Variants in ARFGEF3 observed in about 807,000 individuals in gnomAD.
ARFGEF3 encodes the protein brefeldin A-inhibited guanine nucleotide-exchange protein 3.
ARFGEF3 carries 96 observed loss-of-function variants against 221.7 expected under a neutral mutation model. The observed-to-expected ratio is 0.43, with a 90% CI of 0.37 to 0.51. The LOEUF (loss-of-function observed/expected upper bound fraction) is 0.51, where lower values mean the gene tolerates loss of function less well. ARFGEF3 is among the 20% of genes least tolerant of loss of function. ARFGEF3 has a pLI of 0.00. For missense variants in ARFGEF3, 2,410 were observed against 2,789.9 expected, an observed-to-expected ratio of 0.86 and a Z score of 3.07; for synonymous variants, 1,145 against 1,126.8, an observed-to-expected ratio of 1.02 and a Z score of -0.32.
rs907338138 is a variant in ARFGEF3 at position 138,289,868 on chromosome 6, G to T, written c.2947G>T (p.Val983Leu). 1 of 1,613,802 alleles carries T rather than the reference G, an allele frequency of 6.2e-7. No individual in the cohort carries two copies. The highest frequency in any genetic ancestry group is 8.5e-7 in the Non-Finnish European group (1 of 1,179,810). ...KLEQIGKVQG[V>L]WLHTAHVLCM... ...GGAGCAGATTGGGAAGGTGCAGGGG[G>T]TGTGGCTGCACACTGCCCACGTCTT... The change falls in exon 18 of 34, where the codon GTG becomes TTG. Residue 983 changes from valine (V) to leucine (L), a missense_variant. By Grantham distance (32) the Val-to-Leu change is conservative (BLOSUM62 1). Coordinates refer to ENST00000251691, the MANE Select transcript of ARFGEF3 (RefSeq NM_020340.5).
chr6:138,207,057 G>C lies in ARFGEF3; in HGVS notation c.153G>C (p.Leu51=). 1 of 1,610,120 alleles carries C rather than the reference G, an allele frequency of 6.2e-7. No homozygotes were observed. The highest frequency in any genetic ancestry group is 8.5e-7 in the Non-Finnish European group (1 of 1,178,346). ...TGTTTGCCAGGGAGAAATGCCTGCT[G>C]CCTCTCCAGTTGGCTTTGGAATCCA... ...PPHVLREKCL[L]PLQLALESKN... The change falls in exon 3 of 34, where the codon CTG becomes CTC. Residue 51 remains leucine, a synonymous_variant. Coordinates refer to ENST00000251691, the MANE Select transcript of ARFGEF3 (RefSeq NM_020340.5).
chr6:138,266,755 A>C lies in ARFGEF3; in HGVS notation c.2128+3144A>C, dbSNP rs948098565. On this transcript the variant is annotated intron_variant, in intron 12 of 33. Transcript: ENST00000251691. ...TCCCAGCTACTTGGGAGGCTGAGGC[A>C]GGAGAATGGTGTGAACCCGGGAGGC... Among the ~76,000 whole-genome samples, 86 of 147,684 alleles carry C rather than the reference A, an allele frequency of 5.8e-4. 1 individual carries two copies. Among genetic ancestry groups the C allele is most frequent in the Non-Finnish European group, 1.2e-4 (8 of 67,530 alleles).
intron 10 of ARFGEF3, among the ~76,000 whole-genome samples, chr6:138,256,025 G>A (rs1384633067): frequency 6.6e-6 from 1 of 152,158 alleles, no homozygotes; most frequent in Non-Finnish European, 1.5e-5. Context: ...GACTCTGTTA[G>A]ATGTGCACCA....
chr6:138,255,340 G>A (rs947748330), intron 9 of ARFGEF3, 96 bp from the exon 10 acceptor site: 33 of 843,874 alleles, frequency 3.9e-5, no homozygotes, highest in African/African-American at 5.1e-5. Flanking sequence ...GTAAAGAGCC[G>A]CACTCTTGTC....
chr6:138,305,533 C>T (rs1355171828), intron 22 of ARFGEF3, among the ~76,000 whole-genome samples: 3 of 151,132 alleles, frequency 2.0e-5, no homozygotes, highest in East Asian at 1.9e-4. Context: ...ATTCCTTGAA[C>T]CCAGTAAGTT....
At chr6:138,203,494 C>T (rs140493119) in intron 2 of ARFGEF3, among the ~76,000 whole-genome samples, 103 of 152,340 alleles carry the variant, frequency 6.8e-4, no homozygotes, top group African/African-American at 2.3e-3. Context: ...CCTGTTCTTG[C>T]TGGCTCTTCC....
At chr6:138,192,115 C>T (rs890570744) in intron 2 of ARFGEF3, among the ~76,000 whole-genome samples, 4 of 152,168 alleles carry the variant, frequency 2.6e-5, no homozygotes, top group African/African-American at 7.2e-5. Flanking sequence ...AATGTTCCCA[C>T]CCAAAGCCTG....
At position 138,263,548 on chromosome 6, in the gene ARFGEF3, T is replaced by C. The variant is rs7764091; in HGVS notation, c.2065T>C (p.Ser689Pro). The C allele has an allele frequency of 6.2e-7, 1 of 1,612,794 alleles. No individual in the cohort carries two copies. Among genetic ancestry groups the C allele is most frequent in the Non-Finnish European group, 8.5e-7 (1 of 1,179,824 alleles). ...SLEGLLPRLL[S>P]LSNVEEVDTA... Reference sequence around the variant, plus strand: ...GGAAGGCCTCCTCCCTCGGCTCCTGTCTCTCTCCAATGTAGAGGAGGTGGA... The same window carrying C: ...GGAAGGCCTCCTCCCTCGGCTCCTGCCTCTCTCCAATGTAGAGGAGGTGGA... Residue 689 changes from serine (S) to proline (P), a missense_variant, in exon 12 of 34, where the codon TCT (serine) becomes CCT (proline). Around this residue, in one of 5 missense-constraint regions of ARFGEF3, gnomAD observed 594 missense variants for 734.3 expected, o/e 0.81. Coordinates refer to ENST00000251691, the MANE Select transcript of ARFGEF3 (RefSeq NM_020340.5).
chr6:138,334,010 C>T lies in ARFGEF3; in HGVS notation c.5164C>T (p.Gln1722Ter), dbSNP rs866532896. 6.2e-7 allele frequency: 1 copy of T among 1,612,704 alleles called. No individual in the cohort carries two copies. Among genetic ancestry groups the T allele is most frequent in the Non-Finnish European group, 8.5e-7 (1 of 1,178,850 alleles). Residue 1722 changes from glutamine (Q) to a stop codon, truncating the protein, a stop_gained, in exon 33 of 34, where the codon CAG (glutamine) becomes TAG (stop). Coordinates refer to ENST00000251691, the MANE Select transcript of ARFGEF3 (RefSeq NM_020340.5). LOFTEE classifies it high-confidence loss of function. The surrounding 1 kb of genome is among the most constrained non-coding windows in gnomAD (Gnocchi z 5.1). ...AATTGTGGTGAGCCTGCTGTCTCAT[C>T]AGGTGTTACTCCAGAACTTATATGA... ...REIVVSLLSHQVLLQNLYDIL... is the reference protein window; with the variant it reads ...REIVVSLLSH
chr6:138,177,961 G>A (rs1326900350), intron 2 of ARFGEF3, among the ~76,000 whole-genome samples: 1 of 152,008 alleles, frequency 6.6e-6, no homozygotes, highest in Non-Finnish European at 1.5e-5. Context: ...GACATTTCAA[G>A]GATATCTTTT....
chr6:138,245,680 T>C (rs1778473936), intron 8 of ARFGEF3, 89 bp downstream of exon 8: 2 of 963,008 alleles, frequency 2.1e-6, no homozygotes, highest in Non-Finnish European at 3.3e-6. Context: ...AATTATGGAT[T>C]GTAAGATTAT....
chr6:138,211,972 A>G (rs1457518483), intron 4 of ARFGEF3, among the ~76,000 whole-genome samples: 1 of 152,230 alleles, frequency 6.6e-6, no homozygotes, highest in Admixed American at 6.5e-5. Context: ...AAAGTCAGAC[A>G]CTGTCAGAAA....
intron 2 of ARFGEF3, among the ~76,000 whole-genome samples, chr6:138,201,706 C>T (rs768239211): frequency 6.6e-6 from 1 of 152,122 alleles, no homozygotes; most frequent in Non-Finnish European, 1.5e-5. Context: ...TAAAAGACAA[C>T]AAATATGGTG....
chr6:138,162,073 C>G lies in ARFGEF3; in HGVS notation c.-14C>G. On this transcript the variant is annotated 5_prime_UTR_variant, in exon 1 of 34. Coordinates refer to ENST00000251691, the MANE Select transcript of ARFGEF3 (RefSeq NM_020340.5). This position sits in a 1 kb window ranked among gnomAD's most constrained non-coding sequence, Gnocchi z 4.7. ...TCTCCCTGTGGGCGGCGGCCCGGCGCCTGGAAGGTCAAGATGGAAGAAATC... is the reference window on the plus strand; with the variant it reads ...TCTCCCTGTGGGCGGCGGCCCGGCGGCTGGAAGGTCAAGATGGAAGAAATC... 6.4e-7 allele frequency: 1 copy of G among 1,572,674 alleles called. No individual in the cohort carries two copies. The highest frequency in any genetic ancestry group is 8.6e-7 in the Non-Finnish European group (1 of 1,159,296).
At chr6:138,306,033 G>A (rs116821835) in intron 22 of ARFGEF3, among the ~76,000 whole-genome samples, 2,071 of 152,094 alleles carry the variant, frequency 0.014, 53 homozygotes, top group African/African-American at 0.048. Context: ...GGTTTGAAAC[G>A]AAAAGTAAAG....
At position 138,308,743 on chromosome 6, in the gene ARFGEF3, A is replaced by T; in HGVS notation, c.3978A>T (p.Lys1326Asn). The change falls in exon 24 of 34, where the codon AAA becomes AAT. Residue 1326 changes from lysine (K) to asparagine (N), a missense_variant. Physicochemically the swap from Lys to Asn is moderately conservative, Grantham distance 94. Around this residue, in one of 5 missense-constraint regions of ARFGEF3, gnomAD observed 723 missense variants for 991.9 expected, o/e 0.73. Transcript: ENST00000251691. ...EYLVGDYSMG[K>N]GQAPVFDVFE... ...TCTATAATCTTCCTCCCTTAGGAAA[A>T]GGCCAAGCTCCAGTGTTTGATGTAT... is the stretch of plus-strand genomic sequence containing the variant. 6.2e-7 allele frequency: 1 copy of T among 1,613,884 alleles called. No individual in the cohort carries two copies.
chr6:138,281,308 T>C (rs1233478670), intron 14 of ARFGEF3, among the ~76,000 whole-genome samples: 1 of 152,112 alleles, frequency 6.6e-6, no homozygotes, highest in Non-Finnish European at 1.5e-5. Flanking sequence ...GATAGTTCTC[T>C]CTCTATATAT....
Position 138,307,283 on chromosome 6 carries a change from G to A in ARFGEF3, c.3859G>A (p.Val1287Met). 6.2e-7 allele frequency: 1 copy of A among 1,613,938 alleles called. No individual in the cohort carries two copies. Among genetic ancestry groups the A allele is most frequent in the Non-Finnish European group, 8.5e-7 (1 of 1,179,830 alleles). The change falls in exon 23 of 34, where the codon GTG becomes ATG. Residue 1287 changes from valine (V) to methionine (M), a missense_variant. Physicochemically the swap from Val to Met is conservative, Grantham distance 21. Transcript: ENST00000251691. ...VVTSIGELVE[V>M]CSTQIQSGWR... The stretch of plus-strand genomic sequence containing the variant: ...CACATCCATTGGTGAGCTGGTTGAA[G>A]TGTGTTCCACGCAGATCCAGTCGGG...
At chr6:138,326,456 G>A (rs1199200692) in intron 31 of ARFGEF3, among the ~76,000 whole-genome samples, 1 of 152,032 alleles carries the variant, frequency 6.6e-6, no homozygotes. Flanking sequence ...TAAAAAGTGG[G>A]TAAAGGACTT....
Sources: gnomAD v4.1 joint callset for allele counts (sites outside exome capture counted in the v4.1 genomes callset) on GRCh38, gnomAD v4.1.1 for gene constraint, gnomAD v4.1.1 regional missense constraint, Gnocchi (gnomAD v3.1) non-coding constraint, MANE v1.5 for transcripts, NCBI Gene and HGNC (gene_info 2026-07-23, HGNC 2026-07-21) for gene names.